PRKAR1A: variants seen among roughly 807,000 people sequenced by gnomAD.
PRKAR1A encodes the protein protein kinase cAMP-dependent type I regulatory subunit alpha.
Under a neutral mutation model 52.0 loss-of-function variants are expected in PRKAR1A, and 3 were observed. The ratio of observed to expected loss-of-function variants is 0.06; its 90% confidence interval spans 0.03 to 0.15. The LOEUF (loss-of-function observed/expected upper bound fraction) is 0.15, where lower values mean the gene tolerates loss of function less well. Ranked by LOEUF, PRKAR1A falls within the 10% of genes least tolerant of loss-of-function variation. PRKAR1A has a pLI of 1.00. For missense variants in PRKAR1A, 240 were observed against 477.4 expected (o/e 0.50, Z 4.63); for synonymous variants, 188 against 168.4 (o/e 1.12, Z -0.90).
At chr17:68,529,370 A>T (rs1600493245) in intron 9 of PRKAR1A, among the ~76,000 whole-genome samples, 1 of 152,236 alleles carries the variant, frequency 6.6e-6, no homozygotes, top group South Asian at 2.1e-4. Flanking sequence ...TTGAAAAATT[A>T]CTGTGTTTGT....
chr17:68,541,727 A>C, intron 11 of PRKAR1A: 1 of 412,900 alleles, frequency 2.4e-6, no homozygotes, highest in South Asian at 4.2e-5. Flanking sequence ...GGAGCTTCTC[A>C]AGGAGAGAGT....
upstream of PRKAR1A, among the ~76,000 whole-genome samples, chr17:68,511,469 C>A (rs2143078054): frequency 6.6e-6 from 1 of 152,296 alleles, no homozygotes; most frequent in East Asian, 1.9e-4. Context: ...TGGACAGCTG[C>A]GATTTCTTGT....
the PRKAR1A span, among the ~76,000 whole-genome samples, chr17:68,504,825 A>G: frequency 6.6e-6 from 1 of 152,244 alleles, no homozygotes; most frequent in African/African-American, 2.4e-5. Flanking sequence ...AAATAATTAA[A>G]AGAGTATAAT....
chr17:68,535,148 G>A (rs1268630876), downstream of PRKAR1A: 1 of 397,860 alleles, frequency 2.5e-6, no homozygotes, highest in Non-Finnish European at 5.0e-6. Context: ...TTCATGGGAG[G>A]TAAACAGTTC....
intron 4 of PRKAR1A, 35 bp downstream of exon 4, chr17:68,523,851 A>G (rs763734605): frequency 6.2e-7 from 1 of 1,604,380 alleles, no homozygotes; most frequent in South Asian, 1.1e-5. Context: ...CTATTTTTCA[A>G]GTAAGGGTGT....
the PRKAR1A span, among the ~76,000 whole-genome samples, chr17:68,483,480 T>TAAAAC: frequency 8.7e-5 from 13 of 148,668 alleles, no homozygotes; most frequent in Non-Finnish European, 1.9e-4. Flanking sequence ...GACTCCGTCT[T>TAAAAC]AAAACAAAAC....
the PRKAR1A span, chr17:68,426,253 G>GGGGGGGGGGGGGT: frequency 4.8e-6 from 4 of 841,018 alleles, no homozygotes; most frequent in Admixed American, 2.3e-5. Context: ...GGGGAGCGGG[G>GGGGGGGGGGGGGT]GCTCAAATAA....
At chr17:68,461,087 T>C in the PRKAR1A span, among the ~76,000 whole-genome samples, 2 of 152,158 alleles carry the variant, frequency 1.3e-5, no homozygotes, top group East Asian at 1.9e-4. The surrounding 1 kb of genome is among the most constrained non-coding windows in gnomAD (Gnocchi z 4.6). Flanking sequence ...CAAAAGATAA[T>C]GGGGTAGGTG....
In PRKAR1A at chr17:68,532,685, T is replaced by TG; in HGVS notation, c.*2237dup. ...CCTGATTACCAGTCTGATTATACCATGTGTGCTAATATACTTTTTTTGTTA... is the reference window on the plus strand; with the variant it reads ...CCTGATTACCAGTCTGATTATACCATGGTGTGCTAATATACTTTTTTTGTTA... On this transcript the variant is annotated 3_prime_UTR_variant, in exon 11 of 11. Coordinates refer to ENST00000589228, the MANE Select transcript of PRKAR1A (RefSeq NM_002734.5). 1 of 1,066,330 alleles carries TG rather than the reference T, an allele frequency of 9.4e-7. No individual in the cohort carries two copies. Among genetic ancestry groups the TG allele is most frequent in the Non-Finnish European group, 1.1e-6 (1 of 879,662 alleles). The allele number at this position is 1,066,330 out of a possible 1,614,324, so 66.1% of individuals were successfully genotyped here. A position where few individuals can be genotyped will look rare whatever the true frequency, so the allele number is the denominator to read the frequency against.
the PRKAR1A span, among the ~76,000 whole-genome samples, chr17:68,479,769 A>G: frequency 1.3e-5 from 2 of 152,236 alleles, no homozygotes; most frequent in Non-Finnish European, 2.9e-5. Flanking sequence ...GAAATACCCA[A>G]GACTGGGTAA....
At chr17:68,500,094 G>C in the PRKAR1A span, among the ~76,000 whole-genome samples, 3 of 152,194 alleles carry the variant, frequency 2.0e-5, no homozygotes, top group Admixed American at 1.3e-4. Flanking sequence ...AGAATTTATT[G>C]ATTATATACT....
In PRKAR1A at chr17:68,531,870, T is replaced by C; in HGVS notation, c.*1421T>C. On this transcript the variant is annotated 3_prime_UTR_variant, in exon 11 of 11. Coordinates refer to ENST00000589228, the MANE Select transcript of PRKAR1A (RefSeq NM_002734.5). The stretch of plus-strand genomic sequence containing the variant: ...TTCTGTAATGTAGGCACTTTTATTT[T>C]CATTGTGATTTATATATAAGGTAAT... 1.9e-6 allele frequency: 2 copies of C among 1,042,998 alleles called. No homozygotes were observed. The highest frequency in any genetic ancestry group is 2.3e-6 in the Non-Finnish European group (2 of 858,566). The allele number at this position is 1,042,998 out of a possible 1,614,324, so 64.6% of individuals were successfully genotyped here.
chr17:68,497,445 G>T, the PRKAR1A span, among the ~76,000 whole-genome samples: 1 of 152,152 alleles, frequency 6.6e-6, no homozygotes, highest in Non-Finnish European at 1.5e-5. Context: ...TGTCCAATAT[G>T]GTAGTCACTA....
chr17:68,423,566 C>T, the PRKAR1A span, among the ~76,000 whole-genome samples: 3 of 152,180 alleles, frequency 2.0e-5, no homozygotes, highest in Admixed American at 6.5e-5. The surrounding 1 kb of genome is among the most constrained non-coding windows in gnomAD (Gnocchi z 4.4). Context: ...GGAAGTATTT[C>T]TTGCGTATAA....
intron 11 of PRKAR1A, chr17:68,542,116 C>T: frequency 6.2e-7 from 1 of 1,614,086 alleles, no homozygotes; most frequent in Non-Finnish European, 8.5e-7. Flanking sequence ...AGACAGCATA[C>T]TCCGTCTTGC....
At chr17:68,509,291 A>G (rs1352233184), upstream of PRKAR1A, among the ~76,000 whole-genome samples, 3 of 152,102 alleles carry the variant, frequency 2.0e-5, no homozygotes, top group Admixed American at 6.5e-5. Flanking sequence ...GGCTAAAGCA[A>G]TCCTCCCAGT....
At chr17:68,485,554 A>G in the PRKAR1A span, among the ~76,000 whole-genome samples, 129 of 152,166 alleles carry the variant, frequency 8.5e-4, no homozygotes, top group Non-Finnish European at 1.2e-4. Context: ...CTGTGTTTGT[A>G]AAATGATGAT....
rs548529083 is a variant in PRKAR1A, at chr17:68,515,538, A to G, written c.139A>G (p.Met47Val). Reference sequence around the variant, plus strand: ...GTGCACTGCTCGACCTGAGAGACCCATGGCATTCCTCAGGGAATACTTTGA... The same window carrying G: ...GTGCACTGCTCGACCTGAGAGACCCGTGGCATTCCTCAGGGAATACTTTGA... ...QLCTARPERPMAFLREYFERL... is the reference protein window; with the variant it reads ...QLCTARPERPVAFLREYFERL... Residue 47 changes from methionine to valine, a missense_variant, in exon 2 of 11, where the codon ATG becomes GTG. Transcript: ENST00000589228. 14 of 1,612,852 alleles carry G rather than the reference A, an allele frequency of 8.7e-6. No homozygotes were observed. Among genetic ancestry groups the G allele is most frequent in the Non-Finnish European group, 1.2e-5 (14 of 1,180,034 alleles).
At chr17:68,426,017 A>G in the PRKAR1A span, 337,481 of 1,400,236 alleles carry the variant, frequency 0.24, 42,208 homozygotes, top group Middle Eastern at 0.26. Flanking sequence ...GTATGAGGCG[A>G]AGGTTTCCTT....
Sources: allele counts gnomAD v4.1 joint callset (sites outside exome capture counted in the v4.1 genomes callset), GRCh38; gene constraint gnomAD v4.1.1; non-coding constraint Gnocchi (gnomAD v3.1); transcripts MANE v1.5; gene names NCBI Gene and HGNC (gene_info 2026-07-23, HGNC 2026-07-21).